The following TAFA4 variants were observed in gnomAD, a reference collection of about 807,000 sequenced individuals.
TAFA4 encodes the protein chemokine-like protein TAFA-4.
In TAFA4, 20 loss-of-function variants were observed where a neutral mutation model predicts 21.1. The observed-to-expected ratio is 0.95, with a 90% CI of 0.67 to 1.38. The LOEUF (loss-of-function observed/expected upper bound fraction) is 1.38. TAFA4 is among the 40% of genes most tolerant of loss of function. The pLI, the probability that TAFA4 is intolerant of heterozygous loss-of-function variation, is 0.00. For missense variants in TAFA4, 211 were observed against 180.9 expected, an observed-to-expected ratio of 1.17 and a Z score of -0.95; for synonymous variants, 71 against 67.4, an observed-to-expected ratio of 1.05 and a Z score of -0.26.
intron 1 of TAFA4, among the ~76,000 whole-genome samples, chr3:68,907,059 CA>C (rs1350421163): frequency 7.2e-6 from 1 of 139,674 alleles, no homozygotes; most frequent in African/African-American, 2.6e-5. Context: ...AAAAAAAAGC[CA>C]GGGGTGGAAG....
Position 68,897,871 on chromosome 3 carries a change from G to A in TAFA4, c.-122-12561C>T, listed in dbSNP as rs547783437. ...CCCCCTTGACATGGTTACCTCAGGTGAAAGCATTCTTTCCAAATGAAAAAT... is the reference window on the plus strand; with the variant it reads ...CCCCCTTGACATGGTTACCTCAGGTAAAAGCATTCTTTCCAAATGAAAAAT... On this transcript the variant is annotated intron_variant, in intron 1 of 5. Transcript: ENST00000295569. Among the ~76,000 whole-genome samples, 166 of 152,176 alleles carry A rather than the reference G, an allele frequency of 1.1e-3. 2 individuals are homozygous for A. The highest frequency in any genetic ancestry group is 4.0e-3 in the African/African-American group (164 of 41,514).
At chr3:68,910,460 G>A (rs571528899) in intron 1 of TAFA4, among the ~76,000 whole-genome samples, 1 of 152,294 alleles carries the variant, frequency 6.6e-6, no homozygotes, top group African/African-American at 2.4e-5. Flanking sequence ...CAATGGCATT[G>A]AAACCTCACA....
intron 3 of TAFA4, among the ~76,000 whole-genome samples, chr3:68,765,032 C>A (rs770136756): frequency 4.0e-5 from 6 of 151,894 alleles, no homozygotes; most frequent in Non-Finnish European, 8.8e-5. Context: ...AGTGAAATTG[C>A]TTGGGTTCAG....
At chr3:68,749,751 C>T (rs972439532) in intron 4 of TAFA4, among the ~76,000 whole-genome samples, 1 of 152,182 alleles carries the variant, frequency 6.6e-6, no homozygotes, top group South Asian at 2.1e-4. Context: ...TCTCTGACCA[C>T]AAATGTTACA....
rs1479166880 is a variant in TAFA4 at position 68,739,177 on chromosome 3, CCAT to C, written c.306_308del (p.Trp104del). 5.0e-6 allele frequency: 8 copies of C among 1,613,656 alleles called. No individual in the cohort carries two copies. Among genetic ancestry groups the C allele is most frequent in the Non-Finnish European group, 6.8e-6 (8 of 1,179,848 alleles). On this transcript the variant is annotated inframe_deletion, in exon 5 of 6. Coordinates refer to ENST00000295569, the MANE Select transcript of TAFA4 (RefSeq NM_182522.5). ...CCAAACACGGATTCATGTGACACCA[CCAT>C]TTCTGAATCACAATGGAAGCTGGAA... is the stretch of plus-strand genomic sequence containing the variant.
At chr3:68,891,960 C>A (rs1421813180) in intron 1 of TAFA4, among the ~76,000 whole-genome samples, 1 of 152,194 alleles carries the variant, frequency 6.6e-6, no homozygotes, top group Non-Finnish European at 1.5e-5. Flanking sequence ...TAACTTCTCT[C>A]TTGACAAATA....
intron 1 of TAFA4, among the ~76,000 whole-genome samples, chr3:68,894,509 A>G (rs1028855357): frequency 2.0e-5 from 3 of 152,170 alleles, no homozygotes; most frequent in African/African-American, 4.8e-5. Flanking sequence ...CAGCTATTTA[A>G]AGATGTTCAA....
chr3:68,756,648 C>T (rs1045435138), intron 3 of TAFA4, among the ~76,000 whole-genome samples: 18 of 152,202 alleles, frequency 1.2e-4, no homozygotes, highest in South Asian at 4.1e-4. Flanking sequence ...AATGCTAAGG[C>T]GAAGTTTCAT....
chr3:68,786,158 A>T (rs534412735), intron 3 of TAFA4, among the ~76,000 whole-genome samples: 6 of 152,324 alleles, frequency 3.9e-5, no homozygotes, highest in East Asian at 3.9e-4. Flanking sequence ...GTGTTTTTTT[A>T]AAAAAGTAGA....
intron 3 of TAFA4, among the ~76,000 whole-genome samples, chr3:68,845,169 A>G (rs1240090861): frequency 3.9e-5 from 6 of 152,080 alleles, no homozygotes; most frequent in Admixed American, 1.3e-4. Context: ...GGTCTCTAAG[A>G]ACTGCTTTAT....
In TAFA4 at chr3:68,740,071, G is replaced by C. The variant is rs530304355; in HGVS notation, c.287-872C>G. Among the ~76,000 whole-genome samples, 4 of 152,262 alleles carry C rather than the reference G, an allele frequency of 2.6e-5. No homozygotes were observed. In the East Asian group the frequency reaches 7.7e-4, roughly 29 times the overall value. Reference sequence around the variant, plus strand: ...CTTTGTGGTGGGCTTGCCTGGGTTTGAATCTGACTGTGCCATTGTCTAGAT... The same window carrying C: ...CTTTGTGGTGGGCTTGCCTGGGTTTCAATCTGACTGTGCCATTGTCTAGAT... On this transcript the variant is annotated intron_variant, in intron 4 of 5. Coordinates refer to ENST00000295569, the MANE Select transcript of TAFA4 (RefSeq NM_182522.5).
intron 3 of TAFA4, among the ~76,000 whole-genome samples, chr3:68,809,415 A>G (rs1214234321): frequency 1.3e-5 from 2 of 152,188 alleles, no homozygotes; most frequent in Non-Finnish European, 2.9e-5. Flanking sequence ...GTCTAGAAAT[A>G]TAATTGGTTG....
At chr3:68,920,721 C>T (rs1446870803) in intron 1 of TAFA4, among the ~76,000 whole-genome samples, 1 of 149,868 alleles carries the variant, frequency 6.7e-6, no homozygotes, top group Non-Finnish European at 1.5e-5. Context: ...GTATTATGAC[C>T]AGTGGCACCA....
At chr3:68,748,856 C>T (rs1702509893) in intron 4 of TAFA4, among the ~76,000 whole-genome samples, 1 of 152,054 alleles carries the variant, frequency 6.6e-6, no homozygotes, top group African/African-American at 2.4e-5. Context: ...CTTTTAAACC[C>T]AATATTTAGA....
chr3:68,734,770 G>A (rs1446602444), intron 5 of TAFA4, among the ~76,000 whole-genome samples: 6 of 152,054 alleles, frequency 3.9e-5, no homozygotes, highest in Non-Finnish European at 1.5e-5. Context: ...TATGTGACTT[G>A]AATGACACAG....
chr3:68,873,434 G>C (rs141528758), intron 3 of TAFA4, among the ~76,000 whole-genome samples: 31 of 150,030 alleles, frequency 2.1e-4, no homozygotes, highest in African/African-American at 7.3e-4. Flanking sequence ...ATTTCTAGAT[G>C]GTATCCTGAA....
chr3:68,736,030 A>G (rs1333361246), intron 5 of TAFA4, among the ~76,000 whole-genome samples: 6 of 152,094 alleles, frequency 3.9e-5, no homozygotes, highest in African/African-American at 1.4e-4. Flanking sequence ...CTGCTACTCT[A>G]AAGACATAGC....
At chr3:68,750,514 C>T (rs936771973) in intron 4 of TAFA4, among the ~76,000 whole-genome samples, 1 of 152,186 alleles carries the variant, frequency 6.6e-6, no homozygotes, top group African/African-American at 2.4e-5. Context: ...CCACTGTTTT[C>T]TACAAACCTA....
chr3:68,762,610 G>T (rs185555115), intron 3 of TAFA4, among the ~76,000 whole-genome samples: 256 of 152,306 alleles, frequency 1.7e-3, no homozygotes, highest in African/African-American at 5.7e-3. Flanking sequence ...AATAAAGTAT[G>T]CCTTGCCCAC....
Sources: allele counts gnomAD v4.1 joint callset (sites outside exome capture counted in the v4.1 genomes callset), GRCh38; gene constraint gnomAD v4.1.1; transcripts MANE v1.5; gene names NCBI Gene and HGNC (gene_info 2026-07-23, HGNC 2026-07-21).